Variants in DLG1 observed in about 807,000 individuals in gnomAD.
DLG1 encodes disks large homolog 1.
Under a neutral mutation model 123.4 loss-of-function variants are expected in DLG1, and 42 were observed. That is an observed-to-expected ratio of 0.34 (90% CI 0.27 to 0.44). The LOEUF (loss-of-function observed/expected upper bound fraction) is 0.44. DLG1 is among the 20% of genes least tolerant of loss of function. The pLI, the probability that DLG1 is intolerant of heterozygous loss-of-function variation, is 1.00. For missense variants in DLG1, 942 were observed against 1,082.6 expected, an observed-to-expected ratio of 0.87 and a Z score of 1.82; for synonymous variants, 317 against 356.2, an observed-to-expected ratio of 0.89 and a Z score of 1.24.
intron 13 of DLG1, among the ~76,000 whole-genome samples, chr3:197,110,783 A>G (rs1355840819): frequency 6.6e-6 from 1 of 152,134 alleles, no homozygotes; most frequent in Non-Finnish European, 1.5e-5. Flanking sequence ...TTCCTTAAAT[A>G]CCTGAAACTT....
chr3:197,061,360 C>T (rs1735661748), intron 22 of DLG1, among the ~76,000 whole-genome samples: 1 of 152,146 alleles, frequency 6.6e-6, no homozygotes, highest in East Asian at 1.9e-4. Flanking sequence ...TATATATGTA[C>T]ATAATAGTTT....
rs548571866 is a variant in DLG1 at position 197,181,147 on chromosome 3, T to A, written c.483+13278A>T. Among the ~76,000 whole-genome samples, 45 of 152,242 alleles carry A rather than the reference T, an allele frequency of 3.0e-4. No homozygotes were observed. The East Asian group carries it at 7.7e-3, about 26-fold the overall frequency. On this transcript the variant is annotated intron_variant, in intron 5 of 24. Coordinates refer to ENST00000667157, the MANE Select transcript of DLG1 (RefSeq NM_001366207.1). ...AAAATAAGTACAGGTTCTTTTTATG[T>A]ATTGTGTATATTTGGGGGGATATTA...
intron 4 of DLG1, among the ~76,000 whole-genome samples, chr3:197,216,314 C>T (rs149828361): frequency 3.9e-5 from 6 of 152,168 alleles, no homozygotes; most frequent in African/African-American, 1.2e-4. Flanking sequence ...TTTTGGCCTG[C>T]GTTGAAAGAT....
intron 4 of DLG1, among the ~76,000 whole-genome samples, chr3:197,244,272 C>G (rs933848154): frequency 6.6e-6 from 1 of 152,160 alleles, no homozygotes; most frequent in Non-Finnish European, 1.5e-5. Flanking sequence ...ACTTATTACC[C>G]CAGGATGTGA....
rs115213272 is a variant in DLG1 at position 197,216,639 on chromosome 3, T to C, written c.319-22050A>G. Among the ~76,000 whole-genome samples the C allele has an allele frequency of 6.4e-3, 973 of 152,284 alleles. 13 individuals are homozygous for C. The highest frequency in any genetic ancestry group is 6.7e-3 in the Non-Finnish European group (457 of 68,018). On this transcript the variant is annotated intron_variant, in intron 4 of 24. Coordinates refer to ENST00000667157, the MANE Select transcript of DLG1 (RefSeq NM_001366207.1). ...GCTGGTCACATAGGCACCTAGCACA[T>C]GACAAAATTTCAGACTCCCAGAAGG...
At chr3:197,248,658 G>A (rs936194081) in intron 4 of DLG1, among the ~76,000 whole-genome samples, 5 of 152,148 alleles carry the variant, frequency 3.3e-5, no homozygotes, top group Non-Finnish European at 5.9e-5. Flanking sequence ...GTTATCTGGG[G>A]TAGGACCACA....
At chr3:197,131,705 T>G (rs1259580087) in intron 10 of DLG1, among the ~76,000 whole-genome samples, 3 of 142,706 alleles carry the variant, frequency 2.1e-5, no homozygotes, top group Non-Finnish European at 4.6e-5. Context: ...GCCATTCTCC[T>G]GCCTCAGCCT....
intron 4 of DLG1, among the ~76,000 whole-genome samples, chr3:197,218,227 T>C (rs1405976811): frequency 6.6e-6 from 1 of 152,218 alleles, no homozygotes; most frequent in Non-Finnish European, 1.5e-5. Flanking sequence ...GAAAAGAGCA[T>C]GATGAAATTT....
intron 17 of DLG1, among the ~76,000 whole-genome samples, chr3:197,080,079 A>G (rs1369332676): frequency 6.6e-6 from 1 of 151,706 alleles, no homozygotes; most frequent in African/African-American, 2.4e-5. Flanking sequence ...CTCCAGGCTT[A>G]CTGCTAGAAT....
chr3:197,095,695 C>G (rs1370342418), intron 14 of DLG1, among the ~76,000 whole-genome samples: 4 of 152,106 alleles, frequency 2.6e-5, no homozygotes, highest in African/African-American at 9.7e-5. Flanking sequence ...TTCCCTTTTG[C>G]AAATAAATTA....
At chr3:197,085,489 G>T in intron 16 of DLG1, 91 bp downstream of exon 16, 1 of 1,297,674 alleles carries the variant, frequency 7.7e-7, no homozygotes, top group Non-Finnish European at 1.1e-6. Flanking sequence ...TGCACTCCAG[G>T]TCCATCCATG....
At chr3:197,121,583 T>C (rs1776403364) in intron 11 of DLG1, among the ~76,000 whole-genome samples, 1 of 152,044 alleles carries the variant, frequency 6.6e-6, no homozygotes, top group Non-Finnish European at 1.5e-5. Flanking sequence ...ACTTCTTTTT[T>C]TTCCTACTTT....
chr3:197,261,073 C>T (rs1759217281), intron 4 of DLG1, among the ~76,000 whole-genome samples: 2 of 152,208 alleles, frequency 1.3e-5, no homozygotes, highest in African/African-American at 4.8e-5. Context: ...AAAAAAACCA[C>T]CACAAAAAGA....
At position 197,044,710 on chromosome 3, in the gene DLG1, C is replaced by T. The variant is rs148228406; in HGVS notation, c.2595G>A (p.Thr865=). The change falls in exon 25 of 25, where the codon ACG becomes ACA. Residue 865 remains threonine (T), a synonymous_variant. Coordinates refer to ENST00000667157, the MANE Select transcript of DLG1 (RefSeq NM_001366207.1). ...EHFTAIVQGD[T]LEDIYNQVKQ... is the part of the protein sequence containing the mutation. ...TCACTTGGTTGTAAATGTCTTCCAGCGTATCCCCCTGTACAATAGCTGTAA... is the reference window on the plus strand; with the variant it reads ...TCACTTGGTTGTAAATGTCTTCCAGTGTATCCCCCTGTACAATAGCTGTAA... 16 of 1,604,446 alleles carry T rather than the reference C, an allele frequency of 1.0e-5. No individual in the cohort carries two copies. The highest frequency in any genetic ancestry group is 5.4e-5 in the African/African-American group (4 of 74,550).
At chr3:197,279,363 TACTA>T (rs1395125566) in intron 4 of DLG1, among the ~76,000 whole-genome samples, 7 of 152,356 alleles carry the variant, frequency 4.6e-5, no homozygotes, top group Non-Finnish European at 7.4e-5. Flanking sequence ...TGGTACTTCC[TACTA>T]ACTGACTTTG....
intron 14 of DLG1, among the ~76,000 whole-genome samples, chr3:197,104,519 T>C (rs1765256822): frequency 6.6e-6 from 1 of 152,012 alleles, no homozygotes; most frequent in Admixed American, 6.6e-5. Flanking sequence ...CTATCTCTAC[T>C]AAAAATACAA....
chr3:197,262,627 G>C (rs1289934206), intron 4 of DLG1, among the ~76,000 whole-genome samples: 1 of 152,268 alleles, frequency 6.6e-6, no homozygotes, highest in East Asian at 1.9e-4. Flanking sequence ...CAACCTGTGG[G>C]ATCTGACACT....
In DLG1 at chr3:197,268,151, T is replaced by C. The variant is rs538403540; in HGVS notation, c.318+14528A>G. 2.6e-5 allele frequency among the ~76,000 whole-genome samples: 4 copies of C among 152,308 alleles called. No individual in the cohort carries two copies. In the South Asian group the frequency reaches 6.2e-4, roughly 24 times the overall value. On this transcript the variant is annotated intron_variant, in intron 4 of 24. Coordinates refer to ENST00000667157, the MANE Select transcript of DLG1 (RefSeq NM_001366207.1). ...AGCACATGAGATATCACTGCTCTAA[T>C]ACTAAAAATAGTAATAAGCACAGAT...
intron 4 of DLG1, among the ~76,000 whole-genome samples, chr3:197,197,840 C>T (rs1388974539): frequency 6.6e-6 from 1 of 152,126 alleles, no homozygotes; most frequent in Non-Finnish European, 1.5e-5. Flanking sequence ...AGAAATAGAT[C>T]CTGACATTTA....
Sources: allele counts gnomAD v4.1 joint callset (sites outside exome capture counted in the v4.1 genomes callset), GRCh38; gene constraint gnomAD v4.1.1; transcripts MANE v1.5; gene names NCBI Gene and HGNC (gene_info 2026-07-23, HGNC 2026-07-21).